Variants in STARD8 observed in about 807,000 individuals in gnomAD.
STARD8 encodes the protein stAR-related lipid transfer protein 8.
STARD8 carries 25 observed loss-of-function variants against 69.4 expected under a neutral mutation model. The observed-to-expected ratio is 0.36, with a 90% CI of 0.26 to 0.50. The LOEUF (loss-of-function observed/expected upper bound fraction) is 0.50. Among genes scored for constraint, STARD8 ranks in the 20% least tolerant of loss-of-function variants. STARD8 has a pLI of 0.96. For synonymous variants in STARD8, 389 were observed against 374.6 expected (o/e 1.04, Z -0.45); for missense variants, 921 against 932.5 (o/e 0.99, Z 0.16).
chrX:68,655,584 G>T (rs1034054141), intron 1 of STARD8, among the ~76,000 whole-genome samples: 1 of 112,153 alleles, frequency 8.9e-6, no homozygotes, highest in African/African-American at 3.2e-5. Context: ...TAACTTTGAG[G>T]CACAGGCCCA....
Position 68,712,907 on chromosome X carries a change from G to T in STARD8, c.80-7G>T. On this transcript the variant is annotated splice_region_variant and splice_polypyrimidine_tract_variant and intron_variant, in intron 2 of 14. Transcript: ENST00000374599. Reference sequence around the variant, plus strand: ...TTTGCCTGTTTCTTTCCCTTGTTCTGTTTTAGAAGCCGAGGCCAAAAGAGC... The same window carrying T: ...TTTGCCTGTTTCTTTCCCTTGTTCTTTTTTAGAAGCCGAGGCCAAAAGAGC... 8.3e-7 allele frequency: 1 copy of T among 1,202,459 alleles called. No individual in the cohort carries two copies. Among genetic ancestry groups the T allele is most frequent in the Non-Finnish European group, 1.1e-6 (1 of 890,470 alleles).
chrX:68,719,176 C>T (rs780687321), intron 6 of STARD8, 49 bp from the exon 7 acceptor site: 12 of 1,115,048 alleles, frequency 1.1e-5, no homozygotes, highest in Middle Eastern at 2.5e-4. Context: ...AAGGTTTAGC[C>T]AAACCTGCTC....
intron 2 of STARD8, chrX:68,693,515 C>A: frequency 4.9e-6 from 2 of 409,544 alleles, no homozygotes; most frequent in Non-Finnish European, 6.2e-6. Context: ...CAGGCAGTGC[C>A]CCGCCCACCC....
rs149650250 is a variant in STARD8 at position 68,714,187 on chromosome X, T to C, written c.152-1107T>C. Among the ~76,000 whole-genome samples, 919 of 112,029 alleles carry C rather than the reference T, an allele frequency of 8.2e-3. 8 individuals carry two copies. Among genetic ancestry groups the C allele is most frequent in the African/African-American group, 0.027 (848 of 30,842 alleles). ...GGCTCTTTTTGGCCATAGGTCTGAC[T>C]GTCACTCCTGCTCCAAACCCTCCGA... On this transcript the variant is annotated intron_variant, in intron 3 of 14. Transcript: ENST00000374599.
chrX:68,706,109 C>T (rs1051326247), intron 2 of STARD8, among the ~76,000 whole-genome samples: 4 of 111,873 alleles, frequency 3.6e-5, no homozygotes, highest in African/African-American at 9.8e-5. Context: ...ACTTGGCATC[C>T]AGCTGTAGCC....
intron 2 of STARD8, among the ~76,000 whole-genome samples, 174 bp downstream of exon 2, chrX:68,665,706 C>G (rs1456319272): frequency 1.8e-5 from 2 of 112,176 alleles, no homozygotes; most frequent in African/African-American, 3.2e-5. Context: ...TCCTCGGGCC[C>G]TGCTTTTTGG....
chrX:68,655,768 C>T (rs1251915278), intron 1 of STARD8, among the ~76,000 whole-genome samples: 2 of 111,550 alleles, frequency 1.8e-5, no homozygotes, highest in Non-Finnish European at 3.8e-5. Context: ...GTGAGACTGA[C>T]CTGGATATTA....
chrX:68,720,214 T>G, intron 7 of STARD8, 50 bp from the exon 8 acceptor site: 1 of 1,123,081 alleles, frequency 8.9e-7, no homozygotes, highest in Admixed American at 2.7e-5. Context: ...GCAGGCAGAG[T>G]CTCCAAACTG....
Position 68,719,394 on chromosome X carries a change from G to T in STARD8, c.1885G>T (p.Val629Phe). 1 of 1,168,843 alleles carries T rather than the reference G, an allele frequency of 8.6e-7. No individual in the cohort carries two copies. Among genetic ancestry groups the T allele is most frequent in the Non-Finnish European group, 1.1e-6 (1 of 873,151 alleles). ...CACTGTGCCCCACAAGCAGGGCTGGGTCTGGTGAGTGGCTCCTGGGCCATG... is the reference window on the plus strand; with the variant it reads ...CACTGTGCCCCACAAGCAGGGCTGGTTCTGGTGAGTGGCTCCTGGGCCATG... ...KYTVPHKQGW[V>F]WSMPKFMRRN... The change falls in exon 7 of 15, where the codon GTC (valine) becomes TTC (phenylalanine). Residue 629 changes from valine to phenylalanine, a missense_variant. Coordinates refer to ENST00000374599, the MANE Select transcript of STARD8 (RefSeq NM_001142503.3).
chrX:68,708,359 A>G (rs1385555021), intron 2 of STARD8, among the ~76,000 whole-genome samples: 1 of 112,614 alleles, frequency 8.9e-6, no homozygotes. Flanking sequence ...TCCTGGGTGC[A>G]TAAGCCCTAT....
chrX:68,666,123 T>A (rs2079681922), intron 2 of STARD8, among the ~76,000 whole-genome samples: 3 of 111,847 alleles, frequency 2.7e-5, no homozygotes, highest in Non-Finnish European at 3.8e-5. Context: ...TGTGGATAAG[T>A]GGATGGCATA....
At chrX:68,691,636 A>T (rs948097609) in intron 2 of STARD8, among the ~76,000 whole-genome samples, 2 of 112,654 alleles carry the variant, frequency 1.8e-5, no homozygotes, top group African/African-American at 6.5e-5. Flanking sequence ...CTGTCATTCG[A>T]CAAGCATTTT....
chrX:68,678,203 A>C (rs12012445), intron 2 of STARD8, among the ~76,000 whole-genome samples: 3,199 of 111,429 alleles, frequency 0.029, 119 homozygotes, highest in African/African-American at 0.099. Context: ...CAGAGAAGGG[A>C]GGATCAATCA....
At position 68,716,441 on chromosome X, in the gene STARD8, GGCAAAGC is replaced by G; in HGVS notation, c.297+12_297+18del. The G allele has an allele frequency of 8.3e-7, 1 of 1,209,295 alleles. No homozygotes were observed. Among genetic ancestry groups the G allele is most frequent in the Non-Finnish European group, 1.1e-6 (1 of 893,725 alleles). ...TTTTCAAAGCAAGCAGGTGAGTCAT[GGCAAAGC>G]GTGGGTCTGTGGTCTTGTGGTGCCA... On this transcript the variant is annotated intron_variant, in intron 5 of 14. Coordinates refer to ENST00000374599, the MANE Select transcript of STARD8 (RefSeq NM_001142503.3).
At chrX:68,660,359 T>A (rs1159985164) in intron 1 of STARD8, among the ~76,000 whole-genome samples, 1 of 111,803 alleles carries the variant, frequency 8.9e-6, no homozygotes, top group Non-Finnish European at 1.9e-5. Flanking sequence ...GCGCAGAATG[T>A]GTCAGTCAGT....
intron 1 of STARD8, among the ~76,000 whole-genome samples, chrX:68,651,982 G>A (rs1417743487): frequency 9.3e-6 from 1 of 107,466 alleles, no homozygotes; most frequent in Non-Finnish European, 1.9e-5. Context: ...CGAGTAGCTG[G>A]AATTACAGGC....
Position 68,710,549 on chromosome X carries a change from T to A in STARD8, c.80-2365T>A, listed in dbSNP as rs749609376. 1.3e-4 allele frequency among the ~76,000 whole-genome samples: 15 copies of A among 112,164 alleles called. No homozygotes were observed. The South Asian group carries it at 5.6e-3, about 42-fold the overall frequency. On this transcript the variant is annotated intron_variant, in intron 2 of 14. Transcript: ENST00000374599. ...GGGGCTACAGGGCTCTAGGTAGTCATGAAAGAACTTGGCATTGACCTGAGT... is the reference window on the plus strand; with the variant it reads ...GGGGCTACAGGGCTCTAGGTAGTCAAGAAAGAACTTGGCATTGACCTGAGT...
At chrX:68,683,878 C>A (rs1447302775) in intron 2 of STARD8, among the ~76,000 whole-genome samples, 1 of 112,052 alleles carries the variant, frequency 8.9e-6, no homozygotes, top group Non-Finnish European at 1.9e-5. Context: ...AGGATGATTA[C>A]CACCGTTATA....
chrX:68,693,689 C>T (rs1602580060), intron 2 of STARD8: 1 of 755,114 alleles, frequency 1.3e-6, no homozygotes, highest in Non-Finnish European at 1.6e-6. Flanking sequence ...GGCAGCTGCT[C>T]TTCTGGCTGG....
Sources: gnomAD v4.1 joint callset for allele counts (sites outside exome capture counted in the v4.1 genomes callset) on GRCh38, gnomAD v4.1.1 for gene constraint, MANE v1.5 for transcripts, NCBI Gene and HGNC (gene_info 2026-07-23, HGNC 2026-07-21) for gene names.